Variants in SAXO2 observed in about 807,000 individuals in gnomAD.
SAXO2 encodes the protein family with sequence similarity 154, member B.
SAXO2 carries 17 observed loss-of-function variants against 18.7 expected under a neutral mutation model. The ratio of observed to expected loss-of-function variants is 0.91; its 90% CI spans 0.62 to 1.36. The LOEUF (loss-of-function observed/expected upper bound fraction) is 1.36, where lower values mean the gene tolerates loss of function less well. SAXO2 is among the 40% of genes most tolerant of loss of function. SAXO2 has a pLI of 0.00. For missense variants in SAXO2, 486 were observed against 562.6 expected (o/e 0.86, Z 1.38); for synonymous variants, 163 against 181.2 (o/e 0.90, Z 0.81).
chr15:82,278,659 T>TA (rs906646226), intron 3 of SAXO2, among the ~76,000 whole-genome samples: 3 of 151,876 alleles, frequency 2.0e-5, no homozygotes, highest in African/African-American at 4.8e-5. Flanking sequence ...TTCAGAGTCA[T>TA]AAAAAAAACC....
intron 3 of SAXO2, among the ~76,000 whole-genome samples, chr15:82,276,317 T>G (rs1345623785): frequency 6.6e-6 from 1 of 151,046 alleles, no homozygotes; most frequent in Non-Finnish European, 1.5e-5. Context: ...AATCTGCACA[T>G]TACCAATATC....
chr15:82,281,485 A>T (rs2075361525), intron 3 of SAXO2, among the ~76,000 whole-genome samples: 1 of 151,894 alleles, frequency 6.6e-6, no homozygotes, highest in Non-Finnish European at 1.5e-5. Flanking sequence ...TCTTTTGGGA[A>T]TGCCTTAAAG....
intron 2 of SAXO2, among the ~76,000 whole-genome samples, 156 bp downstream of exon 2, chr15:82,265,904 A>G (rs2075212618): frequency 6.6e-6 from 1 of 152,132 alleles, no homozygotes; most frequent in Non-Finnish European, 1.5e-5. Context: ...TGAAAAAAAA[A>G]AACAGAAAAA....
intron 3 of SAXO2, among the ~76,000 whole-genome samples, chr15:82,280,928 C>T (rs2141380365): frequency 6.6e-6 from 1 of 152,322 alleles, no homozygotes; most frequent in South Asian, 2.1e-4. Flanking sequence ...CTCATCCAGA[C>T]ATCAGTAACT....
chr15:82,266,536 T>C (rs1296068099), intron 2 of SAXO2, among the ~76,000 whole-genome samples: 1 of 152,238 alleles, frequency 6.6e-6, no homozygotes, highest in Non-Finnish European at 1.5e-5. Flanking sequence ...TCTTTTATGC[T>C]CCATTCCATG....
intron 3 of SAXO2, among the ~76,000 whole-genome samples, chr15:82,278,353 C>G (rs2075333692): frequency 6.6e-6 from 1 of 152,214 alleles, no homozygotes; most frequent in Admixed American, 6.5e-5. Flanking sequence ...GAGAAACCAC[C>G]ACACACCCGC....
In SAXO2 at chr15:82,264,838, T is replaced by C. The variant is rs1596024536; in HGVS notation, c.54-731T>C. 3.1e-5 allele frequency: 21 copies of C among 681,520 alleles called. 1 individual carries two copies. In the East Asian group the frequency reaches 5.7e-4, roughly 18 times the overall value. The allele number at this position is 681,520 out of a possible 1,614,324, so 42.2% of individuals were successfully genotyped here. A position where few individuals can be genotyped will look rare whatever the true frequency, so the allele number is the denominator to read the frequency against. ...AACAACTTCTAGCTCCAATCTCTTGTTGCCTCTATTATGTTCCATGCAAGC... is the reference window on the plus strand; with the variant it reads ...AACAACTTCTAGCTCCAATCTCTTGCTGCCTCTATTATGTTCCATGCAAGC... On this transcript the variant is annotated intron_variant, in intron 1 of 3. Coordinates refer to ENST00000682753, the MANE Select transcript of SAXO2 (RefSeq NM_001348699.2).
Position 82,283,161 on chromosome 15 carries a change from AT to A in SAXO2, c.*105del, listed in dbSNP as rs1232938156. 1 of 710,128 alleles carries A rather than the reference AT, an allele frequency of 1.4e-6. No individual in the cohort carries two copies. Among genetic ancestry groups the A allele is most frequent in the Non-Finnish European group, 2.0e-6 (1 of 497,174 alleles). 44.0% of individuals were successfully genotyped at this position (710,128 alleles called of 1,614,324 possible). On this transcript the variant is annotated 3_prime_UTR_variant, in exon 4 of 4. Transcript: ENST00000682753. ...TAAAAAATTTATGATATAATAAATCATTTTTTATATTTTTAAACAAGAAAAT... is the reference window on the plus strand; with the variant it reads ...TAAAAAATTTATGATATAATAAATCATTTTTATATTTTTAAACAAGAAAAT...
chr15:82,267,817 A>G (rs2075233743), intron 2 of SAXO2, among the ~76,000 whole-genome samples: 1 of 152,194 alleles, frequency 6.6e-6, no homozygotes, highest in Admixed American at 6.5e-5. Context: ...CAGTAGTGCC[A>G]TCTAGAAGTG....
chr15:82,270,746 C>G lies in SAXO2; in HGVS notation c.234-857C>G, dbSNP rs965351790. Among the ~76,000 whole-genome samples, 3 of 152,140 alleles carry G rather than the reference C, an allele frequency of 2.0e-5. No individual in the cohort carries two copies. In the South Asian group the frequency reaches 6.2e-4, roughly 31 times the overall value. On this transcript the variant is annotated intron_variant, in intron 2 of 3. Coordinates refer to ENST00000682753, the MANE Select transcript of SAXO2 (RefSeq NM_001348699.2). Reference sequence around the variant, plus strand: ...ATCTTACTATGTACGAAGCAGTCTTCAAAGCATGTGTGTATATCCTTAAAA... The same window carrying G: ...ATCTTACTATGTACGAAGCAGTCTTGAAAGCATGTGTGTATATCCTTAAAA...
chr15:82,282,464 G>T lies in SAXO2; in HGVS notation c.779G>T (p.Arg260Ile), dbSNP rs2075372053. The T allele has an allele frequency of 6.2e-7, 1 of 1,613,958 alleles. No individual in the cohort carries two copies. Among genetic ancestry groups the T allele is most frequent in the Non-Finnish European group, 8.5e-7 (1 of 1,179,968 alleles). The change falls in exon 4 of 4, where the codon AGA (arginine) becomes ATA (isoleucine). Residue 260 changes from arginine to isoleucine, a missense_variant. Arg to Ile is a moderately conservative substitution (Grantham distance 97). Transcript: ENST00000682753. The part of the protein sequence containing the change: ...GLIGETAKLC[R>I]PVHTRVTQNA... The stretch of plus-strand genomic sequence containing the variant: ...ATTGGTGAAACTGCAAAACTCTGCA[G>T]ACCTGTACACACCAGAGTGACCCAG...
chr15:82,281,374 C>T (rs1048170877), intron 3 of SAXO2, among the ~76,000 whole-genome samples: 2 of 152,106 alleles, frequency 1.3e-5, no homozygotes, highest in African/African-American at 4.8e-5. Flanking sequence ...ATTTAACTTC[C>T]AAACCCCAGA....
At chr15:82,270,830 T>C (rs1414914074) in intron 2 of SAXO2, among the ~76,000 whole-genome samples, 1 of 152,188 alleles carries the variant, frequency 6.6e-6, no homozygotes, top group Admixed American at 6.5e-5. Context: ...AACTGGGGCA[T>C]AAACAGGTTA....
rs141914424 is a variant in SAXO2 at position 82,279,007 on chromosome 15, A to G, written c.434-3112A>G. On this transcript the variant is annotated intron_variant, in intron 3 of 3. Transcript: ENST00000682753. Reference sequence around the variant, plus strand: ...CATTGCATGAAACTAGAAAAATAAGAGCAAATTAAATCCAAAGCAAAGCAG... The same window carrying G: ...CATTGCATGAAACTAGAAAAATAAGGGCAAATTAAATCCAAAGCAAAGCAG... 4.0e-4 allele frequency among the ~76,000 whole-genome samples: 61 copies of G among 152,314 alleles called. 1 individual carries two copies. In the East Asian group the frequency reaches 0.012, roughly 29 times the overall value.
At position 82,284,585 on chromosome 15, in the gene SAXO2, A is replaced by G. The variant is rs1357919430; in HGVS notation, c.*1523A>G. The stretch of plus-strand genomic sequence containing the variant: ...CTCTTCCGGTGTGAAGATAAGTGAT[A>G]AGGTAAAGAATGATGCCAGTAAGTA... On this transcript the variant is annotated 3_prime_UTR_variant, in exon 4 of 4. Coordinates refer to ENST00000682753, the MANE Select transcript of SAXO2 (RefSeq NM_001348699.2). 6.6e-6 allele frequency: 1 copy of G among 152,162 alleles called. No homozygotes were observed. The highest frequency in any genetic ancestry group is 6.5e-5 in the Admixed American group (1 of 15,276). The allele number at this position is 152,162 out of a possible 1,614,324, so 9.4% of individuals were successfully genotyped here. A position where few individuals can be genotyped will look rare whatever the true frequency, so the allele number is the denominator to read the frequency against.
chr15:82,277,815 T>C (rs943941221), intron 3 of SAXO2, among the ~76,000 whole-genome samples: 2 of 152,170 alleles, frequency 1.3e-5, no homozygotes, highest in African/African-American at 4.8e-5. Context: ...CTTTAATTGC[T>C]AAAGACTTGA....
intron 2 of SAXO2, among the ~76,000 whole-genome samples, chr15:82,267,212 C>T (rs1204334063): frequency 2.6e-5 from 4 of 152,132 alleles, no homozygotes; most frequent in African/African-American, 9.7e-5. Context: ...TGGTTTTATA[C>T]ATTTTAGGGA....
In SAXO2 at chr15:82,282,654, T is replaced by C; in HGVS notation, c.969T>C (p.Val323=). The change falls in exon 4 of 4, where the codon GTT becomes GTC. Residue 323 remains valine (V), a synonymous_variant. Coordinates refer to ENST00000682753, the MANE Select transcript of SAXO2 (RefSeq NM_001348699.2). ...LDYVPYQANH[V]VPIRPVSQKR... ...ATGTTCCATATCAGGCCAACCATGT[T>C]GTTCCCATCAGGCCAGTTTCTCAAA... The C allele has an allele frequency of 6.2e-7, 1 of 1,614,180 alleles. No homozygotes were observed. The highest frequency in any genetic ancestry group is 8.5e-7 in the Non-Finnish European group (1 of 1,180,020).
In SAXO2 at chr15:82,283,015, G is replaced by A; in HGVS notation, c.1330G>A (p.Gly444Ser). ...TATTTTCGACAATACAAATTCCCAA[G>A]GTCATAAATTCTTCCGCAAGATTAT... The part of the protein sequence containing the change: ...GYIFDNTNSQ[G>S]HKFFRKIIPA... Residue 444 changes from glycine (G) to serine (S), a missense_variant, in exon 4 of 4, where the codon GGT (glycine) becomes AGT (serine). By Grantham distance (56) the Gly-to-Ser change is moderately conservative. Coordinates refer to ENST00000682753, the MANE Select transcript of SAXO2 (RefSeq NM_001348699.2). 1 of 1,613,396 alleles carries A rather than the reference G, an allele frequency of 6.2e-7. No homozygotes were observed. Among genetic ancestry groups the A allele is most frequent in the African/African-American group, 1.3e-5 (1 of 74,986 alleles).
Sources: allele counts gnomAD v4.1 joint callset (sites outside exome capture counted in the v4.1 genomes callset), GRCh38; gene constraint gnomAD v4.1.1; transcripts MANE v1.5; gene names NCBI Gene and HGNC (gene_info 2026-07-23, HGNC 2026-07-21).